CCDC171: variants seen among roughly 807,000 people sequenced by gnomAD.
CCDC171 encodes the protein coiled-coil domain containing 171, also known as coiled-coil domain-containing protein 171.
In CCDC171, 177 loss-of-function variants were observed where a neutral mutation model predicts 168.2. The ratio of observed to expected loss-of-function variants is 1.05; its 90% confidence interval spans 0.93 to 1.19. CCDC171 has a LOEUF of 1.19. CCDC171 is among the 50% of genes most tolerant of loss of function. CCDC171 has a pLI of 0.00. For synonymous variants in CCDC171, 687 were observed against 540.8 expected (o/e 1.27, Z -3.75); for missense variants, 1,991 against 1,539.0 (o/e 1.29, Z -4.91).
chr9:15,660,148 C>G (rs1326295084), intron 8 of CCDC171, among the ~76,000 whole-genome samples: 1 of 152,136 alleles, frequency 6.6e-6, no homozygotes, highest in Non-Finnish European at 1.5e-5. Context: ...TTACTTTTGA[C>G]TTTAATGAAA....
chr9:16,062,045 C>A (rs1291821879), downstream of CCDC171, among the ~76,000 whole-genome samples: 1 of 152,182 alleles, frequency 6.6e-6, no homozygotes, highest in Non-Finnish European at 1.5e-5. Flanking sequence ...TCACTGTCTT[C>A]ATTTTAACAA....
intron 6 of CCDC171, among the ~76,000 whole-genome samples, chr9:15,618,700 C>G (rs1040909855): frequency 6.6e-6 from 1 of 152,138 alleles, no homozygotes; most frequent in African/African-American, 2.4e-5. Flanking sequence ...ATGGGAAAAG[C>G]GTAGTACTCA....
intron 16 of CCDC171, among the ~76,000 whole-genome samples, chr9:15,734,774 A>T (rs2054380161): frequency 6.6e-6 from 1 of 152,084 alleles, no homozygotes; most frequent in Non-Finnish European, 1.5e-5. Flanking sequence ...CAAATAAAAA[A>T]TTTTCATTTT....
At chr9:15,695,752 G>A (rs747489847) in intron 11 of CCDC171, among the ~76,000 whole-genome samples, 5 of 152,120 alleles carry the variant, frequency 3.3e-5, no homozygotes, top group African/African-American at 4.8e-5. Flanking sequence ...GTAGCATAGC[G>A]CATGTTCTAT....
At chr9:16,081,599 T>C in the CCDC171 span, among the ~76,000 whole-genome samples, 81 of 152,302 alleles carry the variant, frequency 5.3e-4, no homozygotes, top group African/African-American at 1.9e-3. Flanking sequence ...TGGGAACATT[T>C]CAGAGCAACA....
At chr9:15,767,045 T>G (rs2056761941) in intron 18 of CCDC171, among the ~76,000 whole-genome samples, 1 of 152,248 alleles carries the variant, frequency 6.6e-6, no homozygotes, top group Non-Finnish European at 1.5e-5. Flanking sequence ...TGATATGCTT[T>G]ACAACTGGTT....
Position 15,886,363 on chromosome 9 carries a change from G to A in CCDC171, c.3600+11700G>A, listed in dbSNP as rs374327260. ...CATGCAAGTGGCCAATAAGTAAAAA[G>A]GTGTTCAACACCGCTAACCATTAGG... On this transcript the variant is annotated intron_variant, in intron 24 of 25. Coordinates refer to ENST00000380701, the MANE Select transcript of CCDC171 (RefSeq NM_173550.4). The A allele has an allele frequency of 1.4e-3, 211 of 152,164 alleles. 1 individual carries two copies. Among genetic ancestry groups the A allele is most frequent in the African/African-American group, 4.7e-3 (195 of 41,512 alleles). The allele number at this position is 152,164 out of a possible 1,614,324, so 9.4% of individuals were successfully genotyped here. A position where few individuals can be genotyped will look rare whatever the true frequency, so the allele number is the denominator to read the frequency against.
At chr9:15,846,898 T>G (rs1384047474) in intron 22 of CCDC171, 51 bp downstream of exon 22, 3 of 1,511,924 alleles carry the variant, frequency 2.0e-6, no homozygotes, top group Non-Finnish European at 2.7e-6. Flanking sequence ...AAAGATCAAT[T>G]CTTACTTTCA....
At chr9:15,661,129 A>G (rs2048285193) in intron 8 of CCDC171, among the ~76,000 whole-genome samples, 1 of 152,208 alleles carries the variant, frequency 6.6e-6, no homozygotes, top group East Asian at 1.9e-4. Context: ...AAATACAAAA[A>G]ATTAGCCGGG....
intron 10 of CCDC171, among the ~76,000 whole-genome samples, chr9:15,692,338 C>T (rs946563729): frequency 1.3e-5 from 2 of 150,686 alleles, no homozygotes; most frequent in African/African-American, 4.9e-5. Flanking sequence ...GTTCTACAAC[C>T]TGGATGATGG....
intron 6 of CCDC171, among the ~76,000 whole-genome samples, chr9:15,595,796 T>C (rs1480080994): frequency 6.6e-6 from 1 of 152,146 alleles, no homozygotes; most frequent in African/African-American, 2.4e-5. Flanking sequence ...CTCCACATCC[T>C]CTCTAGCACC....
At chr9:15,776,735 C>G (rs1415094373) in intron 18 of CCDC171, among the ~76,000 whole-genome samples, 2 of 152,134 alleles carry the variant, frequency 1.3e-5, no homozygotes, top group Non-Finnish European at 2.9e-5. Flanking sequence ...TATATGTATT[C>G]TTATAAGGAT....
chr9:15,859,178 G>T (rs1190071162), intron 23 of CCDC171, among the ~76,000 whole-genome samples: 1 of 152,008 alleles, frequency 6.6e-6, no homozygotes, highest in African/African-American at 2.4e-5. Flanking sequence ...TTCTGTTAAT[G>T]TTATGTATCA....
intron 21 of CCDC171, among the ~76,000 whole-genome samples, chr9:15,785,408 A>G (rs1377682399): frequency 3.9e-5 from 6 of 152,158 alleles, no homozygotes. Flanking sequence ...TAATCAACTC[A>G]GAGTTGGTAT....
At chr9:15,664,864 C>G (rs146475358) in intron 8 of CCDC171, among the ~76,000 whole-genome samples, 59 of 151,554 alleles carry the variant, frequency 3.9e-4, no homozygotes, top group African/African-American at 1.4e-3. Flanking sequence ...ACGCCTGGCT[C>G]ATTTTGTATG....
intron 6 of CCDC171, among the ~76,000 whole-genome samples, chr9:15,604,662 G>C (rs879811776): frequency 1.3e-5 from 2 of 152,122 alleles, no homozygotes; most frequent in African/African-American, 2.4e-5. Flanking sequence ...GGGAGGCAGT[G>C]AAGAAAGTTA....
intron 11 of CCDC171, among the ~76,000 whole-genome samples, chr9:15,696,438 G>A (rs1487594245): frequency 2.0e-5 from 3 of 152,236 alleles, no homozygotes; most frequent in Non-Finnish European, 2.9e-5. Context: ...AAGCATTACT[G>A]TATCATAATC....
chr9:15,872,873 A>C (rs1817357183), intron 23 of CCDC171, among the ~76,000 whole-genome samples: 1 of 152,084 alleles, frequency 6.6e-6, no homozygotes, highest in Admixed American at 6.6e-5. Flanking sequence ...AGGTATTCAT[A>C]CATGTAAAAT....
intron 3 of CCDC171, among the ~76,000 whole-genome samples, chr9:15,576,015 C>T (rs1454545480): frequency 6.6e-6 from 1 of 151,554 alleles, no homozygotes; most frequent in Non-Finnish European, 1.5e-5. Context: ...TCACTTGAAC[C>T]TGGGAGGCAG....
Sources: allele counts gnomAD v4.1 joint callset (sites outside exome capture counted in the v4.1 genomes callset), GRCh38; gene constraint gnomAD v4.1.1; transcripts MANE v1.5; gene names NCBI Gene and HGNC (gene_info 2026-07-23, HGNC 2026-07-21).